RARS2: variants seen among roughly 807,000 people sequenced by gnomAD.
The protein encoded by RARS2 is arginyl-tRNA synthetase 2, mitochondrial, also known as probable arginine--tRNA ligase, mitochondrial.
In RARS2, 67 loss-of-function variants were observed where a neutral mutation model predicts 88.5. That is an observed-to-expected ratio of 0.76 (90% CI 0.62 to 0.93). RARS2 has a LOEUF of 0.93. Ranked by LOEUF, RARS2 falls within the 40% of genes least tolerant of loss-of-function variation. The pLI, the probability that RARS2 is intolerant of heterozygous loss-of-function variation, is 0.00. For missense variants in RARS2, 664 were observed against 684.2 expected (o/e 0.97, Z 0.33); for synonymous variants, 239 against 230.3 (o/e 1.04, Z -0.34).
chr6:87,547,770 G>A (rs766665586), intron 6 of RARS2, among the ~76,000 whole-genome samples: 19 of 151,872 alleles, frequency 1.3e-4, no homozygotes, highest in Non-Finnish European at 2.6e-4. Context: ...CTCCTGAGTA[G>A]CTGGGATTAC....
intron 7 of RARS2, 78 bp downstream of exon 7, chr6:87,545,538 C>T: frequency 6.3e-7 from 1 of 1,590,494 alleles, no homozygotes; most frequent in Non-Finnish European, 8.6e-7. Flanking sequence ...GGGATTCTGC[C>T]TATATTCTGT....
At chr6:87,559,336 G>A (rs564940138) in intron 4 of RARS2, among the ~76,000 whole-genome samples, 4 of 151,690 alleles carry the variant, frequency 2.6e-5, no homozygotes, top group Admixed American at 1.3e-4. Flanking sequence ...GCATGGTGGC[G>A]GGCACCTATA....
At chr6:87,533,226 A>C (rs547121605) in intron 8 of RARS2, among the ~76,000 whole-genome samples, 1 of 152,228 alleles carries the variant, frequency 6.6e-6, no homozygotes, top group South Asian at 2.1e-4. Context: ...TTTTAGAAAA[A>C]ACTTCACCAG....
chr6:87,586,178 T>C (rs556686384), intron 1 of RARS2, among the ~76,000 whole-genome samples: 14 of 152,216 alleles, frequency 9.2e-5, no homozygotes, highest in African/African-American at 3.4e-4. Context: ...AAGCAGTCAA[T>C]ATAGGTGATA....
At chr6:87,555,843 C>G (rs558165942) in intron 4 of RARS2, among the ~76,000 whole-genome samples, 33 of 152,292 alleles carry the variant, frequency 2.2e-4, no homozygotes, top group African/African-American at 6.7e-4. Flanking sequence ...ATATTAACAA[C>G]AAAACCAGAA....
Position 87,569,685 on chromosome 6 carries a change from T to G in RARS2, c.37-95A>C, listed in dbSNP as rs1274556674. ...TGTAAGAATAAACTATTAATACACTTAACACGAATGAGCTCCAAATGCATT... is the reference window on the plus strand; with the variant it reads ...TGTAAGAATAAACTATTAATACACTGAACACGAATGAGCTCCAAATGCATT... On this transcript the variant is annotated intron_variant, in intron 1 of 19. Coordinates refer to ENST00000369536, the MANE Select transcript of RARS2 (RefSeq NM_020320.5). 5.3e-6 allele frequency: 5 copies of G among 947,282 alleles called. No homozygotes were observed. In the East Asian group the frequency reaches 1.2e-4, roughly 23 times the overall value. The allele number at this position is 947,282 out of a possible 1,614,324, so 58.7% of individuals were successfully genotyped here. A position where few individuals can be genotyped will look rare whatever the true frequency, so the allele number is the denominator to read the frequency against.
chr6:87,569,711 C>T, intron 1 of RARS2, 121 bp from the exon 2 acceptor site: 1 of 796,146 alleles, frequency 1.3e-6, no homozygotes, highest in Non-Finnish European at 2.2e-6. Context: ...CAAATGCATT[C>T]CAAGTGAAGG....
At chr6:87,577,145 A>T (rs150891714) in intron 1 of RARS2, among the ~76,000 whole-genome samples, 99 of 152,294 alleles carry the variant, frequency 6.5e-4, no homozygotes, top group African/African-American at 2.2e-3. Flanking sequence ...TAAGAACTAA[A>T]CAATCAGTGT....
chr6:87,519,584 C>A lies in RARS2; in HGVS notation c.1236G>T (p.Lys412Asn). ...TTAATAAGAAAAAACTGAATTCACTCTTAATTGAAGCCATGTTCTGTAGCA... is the reference window on the plus strand; with the variant it reads ...TTAATAAGAAAAAACTGAATTCACTATTAATTGAAGCCATGTTCTGTAGCA... ...LRMLQNMASI[K>N]TTKELKNPQE... The change falls in exon 14 of 20, where the codon AAG (lysine) becomes AAT (asparagine). Residue 412 changes from lysine to asparagine, a missense_variant and splice_region_variant. Coordinates refer to ENST00000369536, the MANE Select transcript of RARS2 (RefSeq NM_020320.5). 1.2e-6 allele frequency: 2 copies of A among 1,611,856 alleles called. No homozygotes were observed. The highest frequency in any genetic ancestry group is 2.2e-5 in the South Asian group (2 of 91,044).
At chr6:87,537,087 TATACTA>T (rs1232080759) in intron 8 of RARS2, among the ~76,000 whole-genome samples, 1 of 152,244 alleles carries the variant, frequency 6.6e-6, no homozygotes, top group South Asian at 2.1e-4. Flanking sequence ...AGAAACTGAA[TATACTA>T]ATACTGATTA....
At chr6:87,581,017 CA>C (rs1773324721) in intron 1 of RARS2, among the ~76,000 whole-genome samples, 1 of 152,102 alleles carries the variant, frequency 6.6e-6, no homozygotes, top group African/African-American at 2.4e-5. Flanking sequence ...GAAAGCACAT[CA>C]ATCAATTAGC....
chr6:87,571,252 G>C (rs938734426), intron 1 of RARS2, among the ~76,000 whole-genome samples: 4 of 152,036 alleles, frequency 2.6e-5, no homozygotes, highest in Non-Finnish European at 4.4e-5. Context: ...CCCACCCTTC[G>C]CTCAACACTT....
intron 6 of RARS2, among the ~76,000 whole-genome samples, chr6:87,547,650 C>CT (rs71018034): frequency 0.037 from 5,331 of 145,978 alleles, 110 homozygotes; most frequent in Middle Eastern, 0.054. Flanking sequence ...TTTTTCTTTT[C>CT]TTTTTTTTTT....
At chr6:87,583,464 CTGTAA>C (rs1774205899) in intron 1 of RARS2, among the ~76,000 whole-genome samples, 1 of 151,998 alleles carries the variant, frequency 6.6e-6, no homozygotes, top group Non-Finnish European at 1.5e-5. Flanking sequence ...TGGCATATAC[CTGTAA>C]TCCCAGCTAC....
intron 1 of RARS2, among the ~76,000 whole-genome samples, chr6:87,584,269 A>T (rs1437327233): frequency 6.6e-6 from 1 of 152,180 alleles, no homozygotes; most frequent in African/African-American, 2.4e-5. Context: ...TATTGCTATG[A>T]ATAGTAAAAT....
intron 5 of RARS2, among the ~76,000 whole-genome samples, chr6:87,551,916 C>T (rs1784451132): frequency 6.6e-6 from 1 of 152,152 alleles, no homozygotes; most frequent in South Asian, 2.1e-4. Context: ...ATAGGAGAGG[C>T]TGACTAGAGA....
At chr6:87,581,338 C>T (rs1220387498) in intron 1 of RARS2, among the ~76,000 whole-genome samples, 1 of 152,032 alleles carries the variant, frequency 6.6e-6, no homozygotes, top group Non-Finnish European at 1.5e-5. Flanking sequence ...ATCTATAGGC[C>T]ATGAGTCTAA....
chr6:87,582,156 G>A (rs77696004), intron 1 of RARS2, among the ~76,000 whole-genome samples: 1 of 152,062 alleles, frequency 6.6e-6, no homozygotes, highest in Non-Finnish European at 1.5e-5. Flanking sequence ...GATATTTCTG[G>A]TACTAGATCT....
intron 3 of RARS2, 97 bp from the exon 4 acceptor site, chr6:87,562,882 A>G (rs973983987): frequency 6.7e-6 from 6 of 898,664 alleles, no homozygotes; most frequent in Non-Finnish European, 1.1e-5. Context: ...AGACACAAGT[A>G]AGTCATCTTT....
Sources: allele counts gnomAD v4.1 joint callset (sites outside exome capture counted in the v4.1 genomes callset), GRCh38; gene constraint gnomAD v4.1.1; transcripts MANE v1.5; gene names NCBI Gene and HGNC (gene_info 2026-07-23, HGNC 2026-07-21).